Variants in FRY observed in about 807,000 individuals in gnomAD.
The protein encoded by FRY is protein furry homolog.
Under a neutral mutation model 348.4 loss-of-function variants are expected in FRY, and 128 were observed. The ratio of observed to expected loss-of-function variants is 0.37; its 90% confidence interval spans 0.32 to 0.43. The LOEUF (loss-of-function observed/expected upper bound fraction) is 0.43, where lower values mean the gene tolerates loss of function less well. FRY is among the 20% of genes least tolerant of loss of function. FRY has a pLI of 1.00. For missense variants in FRY, 2,736 were observed against 3,695.2 expected, an observed-to-expected ratio of 0.74 and a Z score of 6.73; for synonymous variants, 1,370 against 1,374.7, an observed-to-expected ratio of 1.00 and a Z score of 0.08.
chr13:32,134,298 A>C (rs1255797013), intron 8 of FRY, among the ~76,000 whole-genome samples: 1 of 152,208 alleles, frequency 6.6e-6, no homozygotes. Flanking sequence ...GTCCACTGGC[A>C]GTAGTGTCCT....
intron 11 of FRY, among the ~76,000 whole-genome samples, chr13:32,143,398 A>T (rs1188277770): frequency 6.6e-6 from 1 of 152,242 alleles, no homozygotes; most frequent in Middle Eastern, 3.2e-3. Flanking sequence ...TTTGCTTTTC[A>T]GTGCATATGG....
At chr13:32,286,784 A>AAAAAAG (rs1889088284) in intron 58 of FRY, among the ~76,000 whole-genome samples, 1 of 131,680 alleles carries the variant, frequency 7.6e-6, no homozygotes, top group Non-Finnish European at 1.6e-5. Flanking sequence ...AAAAAAAAAA[A>AAAAAAG]GATGGTAGCT....
chr13:32,103,719 C>T (rs1877328089), intron 3 of FRY, among the ~76,000 whole-genome samples: 1 of 152,142 alleles, frequency 6.6e-6, no homozygotes, highest in Non-Finnish European at 1.5e-5. Context: ...AATTCCAGCA[C>T]TTTGAGAGGC....
rs187594678 is a variant in FRY, at chr13:32,235,361, A to C, written c.5715+600A>C. 3.2e-3 allele frequency among the ~76,000 whole-genome samples: 483 copies of C among 152,318 alleles called. 2 individuals are homozygous for C. Among genetic ancestry groups the C allele is most frequent in the African/African-American group, 0.011 (468 of 41,566 alleles). ...ATGTTCCTGGCTGGGCAGTGGCTCAAGCCTATAATCCTAGCACTTTGAGAG... is the reference window on the plus strand; with the variant it reads ...ATGTTCCTGGCTGGGCAGTGGCTCACGCCTATAATCCTAGCACTTTGAGAG... On this transcript the variant is annotated intron_variant, in intron 42 of 60. Transcript: ENST00000542859.
intron 47 of FRY, 72 bp from the exon 48 acceptor site, chr13:32,247,251 G>A: frequency 8.0e-7 from 1 of 1,249,992 alleles, no homozygotes; most frequent in Non-Finnish European, 1.2e-6. Context: ...GCTTCTCACT[G>A]GTCATTCTGA....
At chr13:32,109,211 T>A (rs1251371389) in intron 3 of FRY, among the ~76,000 whole-genome samples, 2 of 152,168 alleles carry the variant, frequency 1.3e-5, no homozygotes, top group African/African-American at 2.4e-5. Flanking sequence ...GTTTTAAGCA[T>A]GATTTGGAGC....
intron 46 of FRY, among the ~76,000 whole-genome samples, chr13:32,241,918 T>A (rs928073895): frequency 8.5e-5 from 13 of 152,200 alleles, no homozygotes; most frequent in African/African-American, 2.9e-4. Flanking sequence ...TTCTTTCAGG[T>A]CTTGGCTATG....
intron 3 of FRY, among the ~76,000 whole-genome samples, chr13:32,105,447 CAG>C: frequency 6.6e-6 from 1 of 152,322 alleles, no homozygotes; most frequent in South Asian, 2.1e-4. Context: ...AGCACTAAAA[CAG>C]TGCTCATCTG....
intron 28 of FRY, among the ~76,000 whole-genome samples, chr13:32,189,482 A>T (rs1235134385): frequency 6.6e-6 from 1 of 152,074 alleles, no homozygotes; most frequent in Non-Finnish European, 1.5e-5. Flanking sequence ...TATCAAACTC[A>T]AAAACAGTAC....
At chr13:32,059,758 G>A (rs189245788) in intron 1 of FRY, among the ~76,000 whole-genome samples, 130 of 152,202 alleles carry the variant, frequency 8.5e-4, no homozygotes, top group African/African-American at 2.8e-3. Context: ...TATACAGAAT[G>A]AGAAGGACTT....
chr13:32,202,602 C>T, intron 31 of FRY, 75 bp downstream of exon 31: 1 of 1,223,800 alleles, frequency 8.2e-7, no homozygotes. Flanking sequence ...CTAATAATGA[C>T]ATGTGATCAT....
chr13:32,113,651 C>T (rs965851624), intron 3 of FRY, among the ~76,000 whole-genome samples: 20 of 152,222 alleles, frequency 1.3e-4, no homozygotes. Context: ...ACAAGAACAT[C>T]TTTGTAAATG....
At chr13:32,122,227 A>G (rs1288531902) in intron 4 of FRY, among the ~76,000 whole-genome samples, 1 of 152,100 alleles carries the variant, frequency 6.6e-6, no homozygotes, top group Non-Finnish European at 1.5e-5. Context: ...GTGGATCACA[A>G]GGTCAGAAGA....
chr13:32,056,292 C>A (rs567287643), intron 1 of FRY, among the ~76,000 whole-genome samples: 1 of 152,140 alleles, frequency 6.6e-6, no homozygotes, highest in Admixed American at 6.5e-5. Context: ...AGTCTGTGCC[C>A]AATAAGTATC....
chr13:32,041,953 A>G (rs924357219), intron 1 of FRY, among the ~76,000 whole-genome samples: 1 of 152,256 alleles, frequency 6.6e-6, no homozygotes, highest in Non-Finnish European at 1.5e-5. Context: ...ACAATTTAAA[A>G]TGTTTGAACT....
Position 32,068,312 on chromosome 13 carries a change from A to G in FRY, c.71-10522A>G, listed in dbSNP as rs145804650. Among the ~76,000 whole-genome samples, 199 of 152,304 alleles carry G rather than the reference A, an allele frequency of 1.3e-3. 2 individuals are homozygous for G. Among genetic ancestry groups the G allele is most frequent in the Middle Eastern group, 3.4e-3 (1 of 294 alleles). On this transcript the variant is annotated intron_variant, in intron 1 of 60. Coordinates refer to ENST00000542859, the MANE Select transcript of FRY (RefSeq NM_023037.3). ...AGAAGAGCCAGCAAAGGACACCTGAATGAGAGCAGTTGGTCACTTCTCTTA... is the reference window on the plus strand; with the variant it reads ...AGAAGAGCCAGCAAAGGACACCTGAGTGAGAGCAGTTGGTCACTTCTCTTA...
intron 1 of FRY, among the ~76,000 whole-genome samples, chr13:32,070,322 C>T (rs1229273575): frequency 6.6e-6 from 1 of 152,176 alleles, no homozygotes; most frequent in Non-Finnish European, 1.5e-5. Flanking sequence ...AACTAATTTA[C>T]ACTCCCACCA....
At chr13:32,186,018 C>A (rs1883005421) in intron 26 of FRY, among the ~76,000 whole-genome samples, 1 of 152,174 alleles carries the variant, frequency 6.6e-6, no homozygotes, top group Non-Finnish European at 1.5e-5. Context: ...TCTGCAGGTC[C>A]TATTTTTGAT....
At position 32,225,023 on chromosome 13, in the gene FRY, T is replaced by A. The variant is rs200588798; in HGVS notation, c.5007T>A (p.His1669Gln). 2 of 1,590,682 alleles carry A rather than the reference T, an allele frequency of 1.3e-6. No homozygotes were observed. The highest frequency in any genetic ancestry group is 4.5e-5 in the East Asian group (2 of 44,750). Residue 1669 changes from histidine to glutamine, a missense_variant, in exon 38 of 61, where the codon CAT (histidine) becomes CAA (glutamine). By Grantham distance (24) the His-to-Gln change is conservative (BLOSUM62 0). Around this residue, in one of 9 missense-constraint regions of FRY, gnomAD observed 794 missense variants for 977.0 expected, o/e 0.81. Transcript: ENST00000542859. Reference protein sequence around the residue: ...DWALHLPLLLHAVFLGLDHYR... With the variant: ...DWALHLPLLLQAVFLGLDHYR... ...CGCTTCATCTACCATTATTACTTCA[T>A]GCTGTCTTCTTAGGTAAGACTGGAT...
Sources: gnomAD v4.1 joint callset for allele counts (sites outside exome capture counted in the v4.1 genomes callset) on GRCh38, gnomAD v4.1.1 for gene constraint, gnomAD v4.1.1 regional missense constraint, MANE v1.5 for transcripts, NCBI Gene and HGNC (gene_info 2026-07-23, HGNC 2026-07-21) for gene names.